Variants in MAGT1 observed in about 807,000 individuals in gnomAD.
MAGT1 encodes the protein dolichyl-diphosphooligosaccharide--protein glycosyltransferase subunit MAGT1.
In MAGT1, 4 loss-of-function variants were observed where a neutral mutation model predicts 28.4. That is an observed-to-expected ratio of 0.14 (90% CI 0.07 to 0.32). MAGT1 has a LOEUF of 0.32. Ranked by LOEUF, MAGT1 falls within the 10% of genes least tolerant of loss-of-function variation. MAGT1 has a pLI of 1.00. For synonymous variants in MAGT1, 89 were observed against 89.7 expected, an observed-to-expected ratio of 0.99 and a Z score of 0.04; for missense variants, 193 against 264.5, an observed-to-expected ratio of 0.73 and a Z score of 1.88.
At position 77,883,934 on chromosome X, in the gene MAGT1, T is replaced by C. The variant is rs191673117; in HGVS notation, c.103-8337A>G. 3.7e-3 allele frequency among the ~76,000 whole-genome samples: 415 copies of C among 111,462 alleles called. 1 individual carries two copies. The highest frequency in any genetic ancestry group is 0.013 in the African/African-American group (390 of 30,741). On this transcript the variant is annotated intron_variant, in intron 1 of 9. Coordinates refer to ENST00000618282, the MANE Select transcript of MAGT1 (RefSeq NM_001367916.1). ...CAGGCTGGGAGTGGTGGCTCATACC[T>C]GTCATCTCAGTGCTTTGGGAGGTCA...
chrX:77,854,739 C>A (rs1557215814), intron 6 of MAGT1, among the ~76,000 whole-genome samples: 1 of 110,548 alleles, frequency 9.0e-6, no homozygotes, highest in African/African-American at 3.3e-5. Flanking sequence ...CTCAGCCTCC[C>A]AAGTAGCTGG....
At chrX:77,845,531 A>C (rs782370607) in intron 7 of MAGT1, among the ~76,000 whole-genome samples, 7 of 111,703 alleles carry the variant, frequency 6.3e-5, no homozygotes, top group Admixed American at 2.9e-4. Context: ...TCTTCCTAGC[A>C]TCAATGGTCT....
Position 77,895,340 on chromosome X carries a change from A to G in MAGT1, c.71T>C (p.Val24Ala). Residue 24 changes from valine (V) to alanine (A), a missense_variant, in exon 1 of 10, where the codon GTT becomes GCT. By Grantham distance (64) the Val-to-Ala change is moderately conservative. Transcript: ENST00000618282. ...MVVALLIVCDVPSASAQRKKE... is the reference protein window; with the variant it reads ...MVVALLIVCDAPSASAQRKKE... ...CTTTCTTTGGGCAGAGGCTGAGGGAACGTCGCAAACGATGAGCAGCGCCAC... is the reference window on the plus strand; with the variant it reads ...CTTTCTTTGGGCAGAGGCTGAGGGAGCGTCGCAAACGATGAGCAGCGCCAC... 8.2e-7 allele frequency: 1 copy of G among 1,212,255 alleles called. No homozygotes were observed. Among genetic ancestry groups the G allele is most frequent in the Non-Finnish European group, 1.1e-6 (1 of 895,624 alleles).
chrX:77,859,664 C>T (rs782510557), intron 3 of MAGT1, among the ~76,000 whole-genome samples: 126 of 111,643 alleles, frequency 1.1e-3, no homozygotes, highest in African/African-American at 4.0e-3. Context: ...GTCAGGAGCT[C>T]GAGACCAGCT....
At chrX:77,877,861 AT>A (rs1557218028) in intron 1 of MAGT1, among the ~76,000 whole-genome samples, 1 of 103,590 alleles carries the variant, frequency 9.7e-6, no homozygotes, top group East Asian at 2.9e-4. Flanking sequence ...ATAAAATAAA[AT>A]AAAATAAAAT....
intron 8 of MAGT1, among the ~76,000 whole-genome samples, chrX:77,834,419 C>T (rs941088307): frequency 9.3e-6 from 1 of 107,214 alleles, no homozygotes; most frequent in African/African-American, 3.4e-5. Context: ...ACTGCAACCT[C>T]CACTTCCTGG....
At chrX:77,892,648 T>G (rs1557219590) in intron 1 of MAGT1, among the ~76,000 whole-genome samples, 6 of 109,401 alleles carry the variant, frequency 5.5e-5, no homozygotes, top group Non-Finnish European at 1.1e-4. Context: ...AATATAAAAA[T>G]TAACTAGGCA....
intron 1 of MAGT1, among the ~76,000 whole-genome samples, chrX:77,876,961 C>T (rs1202967712): frequency 2.1e-5 from 2 of 93,842 alleles, no homozygotes; most frequent in Non-Finnish European, 4.1e-5. Flanking sequence ...TGCAGTGAGC[C>T]GAGATCGTGC....
chrX:77,886,295 T>G (rs1416062514), intron 1 of MAGT1, among the ~76,000 whole-genome samples: 1 of 111,505 alleles, frequency 9.0e-6, no homozygotes, highest in Non-Finnish European at 1.9e-5. Flanking sequence ...GATAATAAAC[T>G]TTTTAAACCT....
At chrX:77,842,132 C>T (rs1276468828) in intron 7 of MAGT1, among the ~76,000 whole-genome samples, 3 of 110,354 alleles carry the variant, frequency 2.7e-5, no homozygotes, top group African/African-American at 9.8e-5. Flanking sequence ...GCGGTTCACA[C>T]CTGTAATCCT....
intron 2 of MAGT1, 75 bp from the exon 3 acceptor site, chrX:77,871,000 C>T: frequency 1.4e-6 from 1 of 709,367 alleles, no homozygotes; most frequent in Non-Finnish European, 2.3e-6. Context: ...ATCAGTAAAA[C>T]AGGTCCAAGC....
intron 3 of MAGT1, among the ~76,000 whole-genome samples, chrX:77,861,007 C>T (rs987026987): frequency 9.2e-6 from 1 of 109,221 alleles, no homozygotes; most frequent in Non-Finnish European, 1.9e-5. Flanking sequence ...GAAACCCCGC[C>T]CCTACTAAAA....
chrX:77,874,874 T>C (rs1440049487), intron 2 of MAGT1, among the ~76,000 whole-genome samples: 4 of 108,555 alleles, frequency 3.7e-5, no homozygotes, highest in African/African-American at 1.3e-4. Context: ...TTTTTTTTTT[T>C]GAGACAGTCT....
intron 1 of MAGT1, among the ~76,000 whole-genome samples, chrX:77,892,562 C>G (rs2149030646): frequency 9.0e-6 from 1 of 111,023 alleles, no homozygotes; most frequent in South Asian, 3.8e-4. Flanking sequence ...TTTGGGAGGC[C>G]AAGGTGGGTA....
intron 1 of MAGT1, among the ~76,000 whole-genome samples, chrX:77,878,330 G>A (rs782362274): frequency 3.6e-4 from 36 of 99,624 alleles, no homozygotes; most frequent in Non-Finnish European, 5.7e-4. Context: ...AAATTTAGCC[G>A]GGCATGGTGG....
At chrX:77,833,303 T>C (rs1200436855) in intron 8 of MAGT1, among the ~76,000 whole-genome samples, 1 of 112,284 alleles carries the variant, frequency 8.9e-6, no homozygotes, top group Admixed American at 9.6e-5. Flanking sequence ...TAAATGGAAA[T>C]ACCACTATAA....
intron 2 of MAGT1, 59 bp downstream of exon 2, chrX:77,875,369 T>C: frequency 8.8e-7 from 1 of 1,137,493 alleles, no homozygotes; most frequent in Non-Finnish European, 1.2e-6. Flanking sequence ...CTTCTGGGAT[T>C]GAGAAATGGT....
chrX:77,874,566 A>G (rs1277082962), intron 2 of MAGT1, among the ~76,000 whole-genome samples: 8 of 103,289 alleles, frequency 7.7e-5, no homozygotes, highest in Admixed American at 2.1e-4. Context: ...ACTGCACTCC[A>G]GCCTGGGTGA....
intron 9 of MAGT1, 121 bp from the exon 10 acceptor site, chrX:77,829,356 T>A (rs782626686): frequency 4.0e-6 from 2 of 496,249 alleles, no homozygotes; most frequent in East Asian, 7.4e-5. Context: ...TACATGATAA[T>A]CTTTGGGTAT....
Sources: gnomAD v4.1 joint callset for allele counts (sites outside exome capture counted in the v4.1 genomes callset) on GRCh38, gnomAD v4.1.1 for gene constraint, MANE v1.5 for transcripts, NCBI Gene and HGNC (gene_info 2026-07-23, HGNC 2026-07-21) for gene names.